TNFRSF11A: variants seen among roughly 807,000 people sequenced by gnomAD.
The protein encoded by TNFRSF11A is tumor necrosis factor receptor superfamily member 11A.
A neutral mutation model predicts 55.7 loss-of-function variants in TNFRSF11A; 32 were observed. The ratio of observed to expected loss-of-function variants is 0.57; its 90% CI spans 0.43 to 0.77. The LOEUF (loss-of-function observed/expected upper bound fraction) is 0.77. Ranked by LOEUF, TNFRSF11A falls within the 30% of genes least tolerant of loss-of-function variation. The pLI, the probability that TNFRSF11A is intolerant of heterozygous loss-of-function variation, is 0.00. For synonymous variants in TNFRSF11A, 311 were observed against 331.0 expected (o/e 0.94, Z 0.65); for missense variants, 753 against 809.8 (o/e 0.93, Z 0.85).
At chr18:62,351,004 T>TTTC (rs2046461626) in intron 3 of TNFRSF11A, among the ~76,000 whole-genome samples, 1 of 87,506 alleles carries the variant, frequency 1.1e-5, no homozygotes, top group Non-Finnish European at 2.9e-5. Context: ...TTTTCTTTCT[T>TTTC]TTTTTTTTTT....
intron 9 of TNFRSF11A, among the ~76,000 whole-genome samples, chr18:62,380,619 G>C (rs1165075020): frequency 6.7e-6 from 1 of 150,294 alleles, no homozygotes; most frequent in African/African-American, 2.5e-5. Flanking sequence ...TTTATTTTTA[G>C]TAGAGACCAG....
chr18:62,361,843 C>G, intron 7 of TNFRSF11A, 50 bp downstream of exon 7: 1 of 1,502,506 alleles, frequency 6.7e-7, no homozygotes, highest in Non-Finnish European at 9.3e-7. Context: ...AGATAGATTT[C>G]TAGGTAAATG....
chr18:62,330,007 G>C (rs912123794), intron 1 of TNFRSF11A, among the ~76,000 whole-genome samples: 37 of 152,314 alleles, frequency 2.4e-4, no homozygotes, highest in African/African-American at 8.4e-4. Context: ...GCCTTTGAGT[G>C]CTTTGGGTCA....
chr18:62,357,922 A>G, intron 4 of TNFRSF11A: 1 of 308,772 alleles, frequency 3.2e-6, no homozygotes, highest in Non-Finnish European at 6.3e-6. Flanking sequence ...TGACCAGGGG[A>G]GTGGCTCAGA....
chr18:62,333,130 GGT>G (rs1272968386), intron 1 of TNFRSF11A, among the ~76,000 whole-genome samples: 1 of 152,190 alleles, frequency 6.6e-6, no homozygotes, highest in East Asian at 1.9e-4. Context: ...ACTGATGACA[GGT>G]ACCGGGGAAG....
chr18:62,331,153 G>A (rs951853382), intron 1 of TNFRSF11A, among the ~76,000 whole-genome samples: 48 of 152,222 alleles, frequency 3.2e-4, no homozygotes, highest in African/African-American at 1.1e-3. Flanking sequence ...ACAGTGAACC[G>A]AGTGGCACCA....
chr18:62,341,482 T>A (rs2046309097), intron 1 of TNFRSF11A, among the ~76,000 whole-genome samples: 2 of 152,210 alleles, frequency 1.3e-5, no homozygotes, highest in South Asian at 4.1e-4. Flanking sequence ...CCATCATTTT[T>A]CCCCTTTCTA....
At chr18:62,362,125 A>G (rs562720653) in intron 7 of TNFRSF11A, among the ~76,000 whole-genome samples, 2 of 152,298 alleles carry the variant, frequency 1.3e-5, no homozygotes, top group Admixed American at 6.5e-5. Flanking sequence ...TTTTTAATGC[A>G]TGCTTTTAAA....
At position 62,369,153 on chromosome 18, in the gene TNFRSF11A, T is replaced by C. The variant is rs1910324846; in HGVS notation, c.1236T>C (p.Asp412=). Residue 412 remains aspartate (D), a synonymous_variant, in exon 9 of 10, where the codon GAT becomes GAC. Coordinates refer to ENST00000586569, the MANE Select transcript of TNFRSF11A (RefSeq NM_003839.4). ...GCACTGAGCCCCTGTGCAGGACTGA[T>C]TGGACTCCCATGTCCTCTGAAAACT... ...CNCTEPLCRT[D]WTPMSSENYL... is the part of the protein sequence containing the mutation. The C allele has an allele frequency of 3.1e-6, 5 of 1,614,162 alleles. No homozygotes were observed. The highest frequency in any genetic ancestry group is 1.1e-5 in the South Asian group (1 of 91,090).
intron 9 of TNFRSF11A, among the ~76,000 whole-genome samples, chr18:62,382,093 T>C (rs1911328749): frequency 6.6e-6 from 1 of 150,992 alleles, no homozygotes; most frequent in African/African-American, 2.4e-5. Context: ...TGGCTGATTA[T>C]AGTTTCCTGA....
intron 4 of TNFRSF11A, among the ~76,000 whole-genome samples, chr18:62,356,589 C>T (rs1909272445): frequency 1.3e-5 from 2 of 152,164 alleles, no homozygotes; most frequent in African/African-American, 4.8e-5. Flanking sequence ...TCACTCCTGT[C>T]CCACCCTGCA....
At chr18:62,350,809 C>A (rs2046456025) in intron 3 of TNFRSF11A, among the ~76,000 whole-genome samples, 1 of 152,010 alleles carries the variant, frequency 6.6e-6, no homozygotes, top group African/African-American at 2.4e-5. Flanking sequence ...GAATCAGGAG[C>A]AAAATATGTC....
rs140819537 is a variant in TNFRSF11A at position 62,338,240 on chromosome 18, A to G, written c.76-9928A>G. 1.2e-4 allele frequency among the ~76,000 whole-genome samples: 19 copies of G among 152,324 alleles called. No individual in the cohort carries two copies. In the East Asian group the frequency reaches 1.4e-3, roughly 11 times the overall value. On this transcript the variant is annotated intron_variant, in intron 1 of 9. Transcript: ENST00000586569. The stretch of plus-strand genomic sequence containing the variant: ...CATGCAGTGCTGCTGGGAATGTGCA[A>G]TGATGCCACCCCTGCGGAAAACAGT...
At chr18:62,360,087 C>A in intron 6 of TNFRSF11A, 38 bp downstream of exon 6, 1 of 1,580,822 alleles carries the variant, frequency 6.3e-7, no homozygotes, top group Non-Finnish European at 8.7e-7. Flanking sequence ...ATAGATGTGC[C>A]CCAGGGTGGT....
chr18:62,375,704 A>G (rs1910844833), intron 9 of TNFRSF11A, among the ~76,000 whole-genome samples: 1 of 152,160 alleles, frequency 6.6e-6, no homozygotes. Context: ...CCATGGTTCA[A>G]GTATCTGATT....
chr18:62,374,439 A>T (rs1194553940), intron 9 of TNFRSF11A, among the ~76,000 whole-genome samples: 1 of 152,252 alleles, frequency 6.6e-6, no homozygotes, highest in Non-Finnish European at 1.5e-5. Flanking sequence ...TAAATATAAA[A>T]TAAGTTTTTT....
At chr18:62,337,019 G>C (rs2046244230) in intron 1 of TNFRSF11A, among the ~76,000 whole-genome samples, 1 of 151,086 alleles carries the variant, frequency 6.6e-6, no homozygotes, top group African/African-American at 2.5e-5. Context: ...AAGGTGGTCA[G>C]AGGGGGAAAT....
At chr18:62,349,674 TG>T (rs1224592012) in intron 2 of TNFRSF11A, 137 bp from the exon 3 acceptor site, 59 of 979,888 alleles carry the variant, frequency 6.0e-5, no homozygotes, top group Admixed American at 9.6e-5. Context: ...ATATTGTCTT[TG>T]GGGGGTGTCC....
At position 62,388,875 on chromosome 18, in the gene TNFRSF11A, C is replaced by G. The variant is rs987726135; in HGVS notation, c.*3841C>G. Reference sequence around the variant, plus strand: ...ATAAACAGATAAAAGATCGAGTGTTCACCCTTCACCTCAGCTCAACAAACA... The same window carrying G: ...ATAAACAGATAAAAGATCGAGTGTTGACCCTTCACCTCAGCTCAACAAACA... On this transcript the variant is annotated 3_prime_UTR_variant, in exon 10 of 10. Coordinates refer to ENST00000586569, the MANE Select transcript of TNFRSF11A (RefSeq NM_003839.4). The G allele has an allele frequency of 1.3e-5, 2 of 152,226 alleles. No homozygotes were observed. Among genetic ancestry groups the G allele is most frequent in the Admixed American group, 1.3e-4 (2 of 15,286 alleles). The allele number at this position is 152,226 out of a possible 1,614,324, so 9.4% of individuals were successfully genotyped here. A position where few individuals can be genotyped will look rare whatever the true frequency, so the allele number is the denominator to read the frequency against.
Sources: gnomAD v4.1 joint callset for allele counts (sites outside exome capture counted in the v4.1 genomes callset) on GRCh38, gnomAD v4.1.1 for gene constraint, MANE v1.5 for transcripts, NCBI Gene and HGNC (gene_info 2026-07-23, HGNC 2026-07-21) for gene names.